The following HADHA variants were observed in gnomAD, a reference collection of about 807,000 sequenced individuals.
HADHA encodes hydroxyacyl-CoA dehydrogenase trifunctional multienzyme complex subunit alpha.
Under a neutral mutation model 91.3 loss-of-function variants are expected in HADHA, and 59 were observed. That is an observed-to-expected ratio of 0.65 (90% CI 0.52 to 0.80). The LOEUF (loss-of-function observed/expected upper bound fraction) is 0.80. Ranked by LOEUF, HADHA falls within the 30% of genes least tolerant of loss-of-function variation. HADHA has a pLI of 0.00. For synonymous variants in HADHA, 320 were observed against 338.9 expected (o/e 0.94, Z 0.61); for missense variants, 800 against 927.6 (o/e 0.86, Z 1.79).
At chr2:26,197,881 C>A (rs1048124951) in intron 13 of HADHA, 104 bp from the exon 14 acceptor site, 9 of 750,288 alleles carry the variant, frequency 1.2e-5, no homozygotes, top group Non-Finnish European at 2.0e-5. Flanking sequence ...CACTCTGTCC[C>A]CCACAACTGC....
intron 18 of HADHA, 118 bp from the exon 19 acceptor site, chr2:26,191,746 G>T (rs1669512319): frequency 2.0e-6 from 2 of 1,017,212 alleles, no homozygotes; most frequent in African/African-American, 1.6e-5. Flanking sequence ...GCCGGTTGGT[G>T]CTGGCCCTCA....
chr2:26,201,702 G>A (rs944375771), intron 12 of HADHA, among the ~76,000 whole-genome samples: 1 of 152,116 alleles, frequency 6.6e-6, no homozygotes, highest in East Asian at 1.9e-4. Flanking sequence ...CTATGACAGG[G>A]GAAGCAGCCA....
chr2:26,220,756 G>C (rs1670354770), intron 7 of HADHA, among the ~76,000 whole-genome samples: 1 of 152,200 alleles, frequency 6.6e-6, no homozygotes, highest in Non-Finnish European at 1.5e-5. Context: ...TCTTACCTTA[G>C]GGGTGGGTGT....
intron 7 of HADHA, among the ~76,000 whole-genome samples, chr2:26,222,497 T>C (rs1339795312): frequency 6.6e-6 from 1 of 152,190 alleles, no homozygotes; most frequent in Non-Finnish European, 1.5e-5. Flanking sequence ...AGGATTTCAA[T>C]GATCAAAGTG....
At chr2:26,241,174 A>G (rs1346164802) in intron 1 of HADHA, among the ~76,000 whole-genome samples, 2 of 152,226 alleles carry the variant, frequency 1.3e-5, no homozygotes, top group Admixed American at 6.5e-5. Context: ...ACAAAACCTC[A>G]TAAGACTACA....
intron 17 of HADHA, among the ~76,000 whole-genome samples, chr2:26,192,828 G>A (rs1449807595): frequency 6.6e-6 from 1 of 152,164 alleles, no homozygotes; most frequent in Non-Finnish European, 1.5e-5. Flanking sequence ...CTGAATTCCT[G>A]AATTTGTATG....
rs113877517 is a variant in HADHA at position 26,214,386 on chromosome 2, G to C, written c.918+57C>G. The C allele has an allele frequency of 0.035, 29,977 of 851,024 alleles. 683 individuals are homozygous for C. The highest frequency in any genetic ancestry group is 0.046 in the Non-Finnish European group (22,401 of 484,306). The allele number at this position is 851,024 out of a possible 1,614,324, so 52.7% of individuals were successfully genotyped here. ...TGGTCCAGAATGGCAATAAGGAGGA[G>C]TGATCTATATAAAGGAAGGAAATAT... On this transcript the variant is annotated intron_variant, in intron 9 of 19. Transcript: ENST00000380649. This position sits in a 1 kb window ranked among gnomAD's most constrained non-coding sequence, Gnocchi z 4.1.
chr2:26,228,573 A>C (rs1296998973), intron 7 of HADHA, among the ~76,000 whole-genome samples: 1 of 152,238 alleles, frequency 6.6e-6, no homozygotes, highest in Non-Finnish European at 1.5e-5. Context: ...AACACTCAGC[A>C]ATAAGGACAA....
chr2:26,234,085 GCAAAAAA>G, intron 5 of HADHA, 125 bp downstream of exon 5: 1 of 895,950 alleles, frequency 1.1e-6, no homozygotes, highest in Non-Finnish European at 1.8e-6. Context: ...CCGTCTCAAA[GCAAAAAA>G]CAAAAAACAA....
intron 10 of HADHA, among the ~76,000 whole-genome samples, chr2:26,211,338 T>C (rs1670095467): frequency 6.9e-6 from 1 of 145,152 alleles, no homozygotes; most frequent in Non-Finnish European, 1.5e-5. Flanking sequence ...GCTCTTCAGA[T>C]TTTTTTTTTT....
chr2:26,193,789 G>T lies in HADHA; in HGVS notation c.1690-17C>A. ...AACTCCTTCCTGAACAGGAAGCGATGCAGGGACCTCAGGGGAAGGGCAGCC... is the reference window on the plus strand; with the variant it reads ...AACTCCTTCCTGAACAGGAAGCGATTCAGGGACCTCAGGGGAAGGGCAGCC... On this transcript the variant is annotated splice_polypyrimidine_tract_variant and intron_variant, in intron 16 of 19. Coordinates refer to ENST00000380649, the MANE Select transcript of HADHA (RefSeq NM_000182.5). 1 of 1,607,994 alleles carries T rather than the reference G, an allele frequency of 6.2e-7. No homozygotes were observed. Among genetic ancestry groups the T allele is most frequent in the Non-Finnish European group, 8.5e-7 (1 of 1,174,372 alleles).
chr2:26,198,530 G>A (rs1669743475), intron 13 of HADHA, among the ~76,000 whole-genome samples: 1 of 151,966 alleles, frequency 6.6e-6, no homozygotes. Context: ...CCTGTCAAAT[G>A]TGTGCAAATC....
At chr2:26,201,054 A>T in intron 13 of HADHA, 95 bp downstream of exon 13, 2 of 923,386 alleles carry the variant, frequency 2.2e-6, no homozygotes, top group East Asian at 5.0e-5. Flanking sequence ...TTTTTATAAA[A>T]GCAATCATGA....
Position 26,230,237 on chromosome 2 carries a change from T to C in HADHA, c.631A>G (p.Arg211Gly), listed in dbSNP as rs1670589918. 6.2e-7 allele frequency: 1 copy of C among 1,613,792 alleles called. No homozygotes were observed. Among genetic ancestry groups the C allele is most frequent in the African/African-American group, 1.3e-5 (1 of 75,028 alleles). Residue 211 changes from arginine to glycine, a missense_variant, in exon 7 of 20, where the codon AGG becomes GGG. Coordinates refer to ENST00000380649, the MANE Select transcript of HADHA (RefSeq NM_000182.5). ...TCAACCAGTCCCATTTTCTTTGCCC[T>C]GTCTGCACGAATGCTTCTACCAGTC... ...MLTGRSIRAD[R>G]AKKMGLVDQL...
At chr2:26,244,118 G>C (rs1014526886) in intron 1 of HADHA, among the ~76,000 whole-genome samples, 2 of 152,252 alleles carry the variant, frequency 1.3e-5, no homozygotes, top group Non-Finnish European at 2.9e-5. Context: ...TTGTTGCGGG[G>C]TAAGGTGCTG....
At chr2:26,208,939 T>C (rs911774056) in intron 11 of HADHA, among the ~76,000 whole-genome samples, 1 of 152,212 alleles carries the variant, frequency 6.6e-6, no homozygotes, top group African/African-American at 2.4e-5. Flanking sequence ...TATTTTGTAT[T>C]TGTAATCTCA....
rs538475191 is a variant in HADHA, at chr2:26,219,821, G to A, written c.677-4646C>T. On this transcript the variant is annotated intron_variant, in intron 7 of 19. Coordinates refer to ENST00000380649, the MANE Select transcript of HADHA (RefSeq NM_000182.5). The stretch of plus-strand genomic sequence containing the variant: ...GGTGTCCCTAAAAAAGAAATAGATG[G>A]GCAGTCTACTAACTCTTACTTGATC... 9.2e-5 allele frequency among the ~76,000 whole-genome samples: 14 copies of A among 152,200 alleles called. No homozygotes were observed. The Middle Eastern group carries it at 0.01, about 111-fold the overall frequency.
At chr2:26,223,446 C>G (rs967937608) in intron 7 of HADHA, among the ~76,000 whole-genome samples, 2 of 152,140 alleles carry the variant, frequency 1.3e-5, no homozygotes, top group African/African-American at 2.4e-5. Context: ...GTCACCCCAC[C>G]AGGCAAAGAA....
intron 7 of HADHA, among the ~76,000 whole-genome samples, chr2:26,215,852 A>T (rs1297123386): frequency 1.3e-5 from 2 of 152,246 alleles, no homozygotes; most frequent in Non-Finnish European, 2.9e-5. Flanking sequence ...GAAATCTCTC[A>T]TAGTATCATG....
Sources: gnomAD v4.1 joint callset for allele counts (sites outside exome capture counted in the v4.1 genomes callset) on GRCh38, gnomAD v4.1.1 for gene constraint, Gnocchi (gnomAD v3.1) non-coding constraint, MANE v1.5 for transcripts, NCBI Gene and HGNC (gene_info 2026-07-23, HGNC 2026-07-21) for gene names.